HECW1: variants seen among roughly 807,000 people sequenced by gnomAD.
The protein encoded by HECW1 is E3 ubiquitin-protein ligase HECW1.
Under a neutral mutation model 182.3 loss-of-function variants are expected in HECW1, and 61 were observed. The ratio of observed to expected loss-of-function variants is 0.33; its 90% CI spans 0.27 to 0.41. HECW1 has a LOEUF of 0.41. Ranked by LOEUF, HECW1 falls within the 10% of genes least tolerant of loss-of-function variation. HECW1 has a pLI of 1.00. For synonymous variants in HECW1, 859 were observed against 832.6 expected, an observed-to-expected ratio of 1.03 and a Z score of -0.55; for missense variants, 1,739 against 2,108.9, an observed-to-expected ratio of 0.82 and a Z score of 3.44.
intron 2 of HECW1, among the ~76,000 whole-genome samples, chr7:43,124,251 G>A (rs775454175): frequency 8.5e-5 from 13 of 152,192 alleles, no homozygotes; most frequent in Non-Finnish European, 1.6e-4. Context: ...GAGAGTGAAC[G>A]GCTTTGCTTT....
intron 3 of HECW1, among the ~76,000 whole-genome samples, chr7:43,304,646 C>A (rs1178600587): frequency 2.6e-5 from 4 of 152,068 alleles, no homozygotes; most frequent in Non-Finnish European, 5.9e-5. Flanking sequence ...CACGTGTCAC[C>A]ACACATGGCT....
At chr7:43,276,093 G>A (rs891155118) in intron 3 of HECW1, among the ~76,000 whole-genome samples, 12 of 152,164 alleles carry the variant, frequency 7.9e-5, no homozygotes, top group Admixed American at 7.9e-4. Context: ...TGTTGATGGG[G>A]GCCCAGTGGG....
At position 43,450,896 on chromosome 7, in the gene HECW1, C is replaced by T; in HGVS notation, c.2467C>T (p.His823Tyr). The T allele has an allele frequency of 6.2e-7, 1 of 1,612,956 alleles. No individual in the cohort carries two copies. Among genetic ancestry groups the T allele is most frequent in the Non-Finnish European group, 8.5e-7 (1 of 1,178,940 alleles). The change falls in exon 12 of 30, where the codon CAC becomes TAC. Residue 823 changes from histidine (H) to tyrosine (Y), a missense_variant. Physicochemically the swap from His to Tyr is moderately conservative, Grantham distance 83 (BLOSUM62 2). This residue lies in a region of HECW1 where 971 missense variants were observed against 1,029.1 expected (regional missense o/e 0.94). Coordinates refer to ENST00000395891, the MANE Select transcript of HECW1 (RefSeq NM_015052.5). ...TCCTTCCCTGAGGCCTGAACATCAT[C>T]ACTACCCAACAATCGATGAGCCTCT... ...QLPSLRPEHHHYPTIDEPLPP... is the reference protein window; with the variant it reads ...QLPSLRPEHHYYPTIDEPLPP...
chr7:43,264,711 G>A (rs1182033139), intron 3 of HECW1, among the ~76,000 whole-genome samples: 1 of 152,004 alleles, frequency 6.6e-6, no homozygotes, highest in Non-Finnish European at 1.5e-5. Context: ...AGGTGTGGTG[G>A]CGGGCACCTG....
At chr7:43,312,374 T>A (rs1808645906) in intron 4 of HECW1, among the ~76,000 whole-genome samples, 1 of 152,246 alleles carries the variant, frequency 6.6e-6, no homozygotes, top group East Asian at 1.9e-4. Context: ...CTTCTACTTG[T>A]GAATAAGTTA....
chr7:43,181,861 C>T (rs918393720), intron 2 of HECW1, among the ~76,000 whole-genome samples: 2 of 150,802 alleles, frequency 1.3e-5, no homozygotes, highest in Non-Finnish European at 2.9e-5. Context: ...GATCTCCACT[C>T]ACTGCAAGCT....
In HECW1 at chr7:43,562,439, A is replaced by T. The variant is rs2082233285; in HGVS notation, c.*513A>T. On this transcript the variant is annotated 3_prime_UTR_variant, in exon 30 of 30. Coordinates refer to ENST00000395891, the MANE Select transcript of HECW1 (RefSeq NM_015052.5). Reference sequence around the variant, plus strand: ...CCTCTCCATCTACTTTTCCCTGTGCATAATATCCATCCAAAGGACAACAGT... The same window carrying T: ...CCTCTCCATCTACTTTTCCCTGTGCTTAATATCCATCCAAAGGACAACAGT... The T allele has an allele frequency of 4.4e-6, 1 of 228,484 alleles. No individual in the cohort carries two copies. The highest frequency in any genetic ancestry group is 5.7e-5 in the Admixed American group (1 of 17,606). 14.2% of individuals were successfully genotyped at this position (228,484 alleles called of 1,614,324 possible). A position where few individuals can be genotyped will look rare whatever the true frequency, so the allele number is the denominator to read the frequency against.
chr7:43,159,678 CTTTT>C (rs36117153), intron 2 of HECW1, among the ~76,000 whole-genome samples: 5 of 123,750 alleles, frequency 4.0e-5, no homozygotes, highest in African/African-American at 1.5e-4. Context: ...TTCCTTGTAT[CTTTT>C]TTTTTTTTTT....
intron 28 of HECW1, among the ~76,000 whole-genome samples, chr7:43,553,425 C>A (rs1396340255): frequency 1.3e-5 from 2 of 152,100 alleles, no homozygotes; most frequent in Non-Finnish European, 2.9e-5. Context: ...TGCCTGTAAT[C>A]CCAGCACTTT....
At chr7:43,370,888 C>CTT (rs779010532) in intron 6 of HECW1, among the ~76,000 whole-genome samples, 4 of 135,402 alleles carry the variant, frequency 3.0e-5, no homozygotes, top group Non-Finnish European at 3.2e-5. Flanking sequence ...CAATGATATT[C>CTT]TTTTTTTTTT....
chr7:43,445,760 C>T (rs1023952602), intron 11 of HECW1, among the ~76,000 whole-genome samples, 190 bp downstream of exon 11: 2 of 152,210 alleles, frequency 1.3e-5, no homozygotes, highest in African/African-American at 2.4e-5. Flanking sequence ...GAGTAGCTGA[C>T]ACCCCACAAT....
chr7:43,508,184 T>C, intron 23 of HECW1, 53 bp downstream of exon 23: 1 of 1,205,954 alleles, frequency 8.3e-7, no homozygotes, highest in Non-Finnish European at 1.2e-6. Context: ...GGCCAGAGCC[T>C]CAGGGTCAGG....
chr7:43,527,709 A>G (rs1233625098), intron 24 of HECW1, among the ~76,000 whole-genome samples: 1 of 152,218 alleles, frequency 6.6e-6, no homozygotes, highest in Non-Finnish European at 1.5e-5. Flanking sequence ...CATGGAAACC[A>G]CCAAGTTTAA....
intron 6 of HECW1, among the ~76,000 whole-genome samples, chr7:43,381,821 G>A (rs189052831): frequency 1.2e-3 from 179 of 152,194 alleles, no homozygotes; most frequent in African/African-American, 4.2e-3. Context: ...ACCACACCTG[G>A]CTGATAATTT....
intron 17 of HECW1, among the ~76,000 whole-genome samples, chr7:43,487,053 C>A (rs1585055475): frequency 6.6e-6 from 1 of 152,188 alleles, no homozygotes; most frequent in African/African-American, 2.4e-5. Context: ...ATTCTGACAA[C>A]TTTGTTAATG....
chr7:43,366,835 C>T (rs951045468), intron 6 of HECW1, among the ~76,000 whole-genome samples: 1 of 152,154 alleles, frequency 6.6e-6, no homozygotes, highest in Non-Finnish European at 1.5e-5. Context: ...AGAGTTTGTT[C>T]TCTGTTTAAT....
chr7:43,178,077 T>C (rs148070312), intron 2 of HECW1, among the ~76,000 whole-genome samples: 5 of 152,316 alleles, frequency 3.3e-5, no homozygotes, highest in African/African-American at 9.6e-5. Context: ...TGGCATGATC[T>C]TGACTCACTG....
rs532165919 is a variant in HECW1 at position 43,479,759 on chromosome 7, A to G, written c.3234+15A>G. 1.9e-6 allele frequency: 3 copies of G among 1,612,804 alleles called. No homozygotes were observed. Among genetic ancestry groups the G allele is most frequent in the Admixed American group, 3.3e-5 (2 of 59,940 alleles). Reference sequence around the variant, plus strand: ...GCGCTGGAGAGGTAACCCTCCCTACACCCCGCCCTACTGTTCACCGGTCAC... The same window carrying G: ...GCGCTGGAGAGGTAACCCTCCCTACGCCCCGCCCTACTGTTCACCGGTCAC... On this transcript the variant is annotated intron_variant, in intron 17 of 29. Coordinates refer to ENST00000395891, the MANE Select transcript of HECW1 (RefSeq NM_015052.5).
chr7:43,204,484 G>A (rs1292958337), intron 2 of HECW1, among the ~76,000 whole-genome samples: 1 of 152,182 alleles, frequency 6.6e-6, no homozygotes, highest in East Asian at 1.9e-4. Flanking sequence ...TATTCATTAT[G>A]TAAATATCTA....
Sources: allele counts gnomAD v4.1 joint callset (sites outside exome capture counted in the v4.1 genomes callset), GRCh38; gene constraint gnomAD v4.1.1; regional missense constraint gnomAD v4.1.1; transcripts MANE v1.5; gene names NCBI Gene and HGNC (gene_info 2026-07-23, HGNC 2026-07-21).